Variants in EIF2S3 observed in about 807,000 individuals in gnomAD.
EIF2S3 encodes eukaryotic translation initiation factor 2 subunit 3.
Under a neutral mutation model 31.7 loss-of-function variants are expected in EIF2S3, and 2 were observed. The observed-to-expected ratio is 0.06, with a 90% CI of 0.03 to 0.20. The LOEUF is 0.20. Ranked by LOEUF, EIF2S3 falls within the 10% of genes least tolerant of loss-of-function variation. The pLI is 1.00. For missense variants in EIF2S3, 96 were observed against 359.3 expected, an observed-to-expected ratio of 0.27 and a Z score of 5.92; for synonymous variants, 120 against 126.7, an observed-to-expected ratio of 0.95 and a Z score of 0.36.
chrX:24,057,170 A>G (rs889945261), intron 2 of EIF2S3, among the ~76,000 whole-genome samples: 3 of 112,111 alleles, frequency 2.7e-5, no homozygotes, highest in Non-Finnish European at 3.8e-5. Flanking sequence ...AGCTGGGACT[A>G]CAGGCATGCG....
intron 2 of EIF2S3, 142 bp downstream of exon 2, chrX:24,055,820 T>A: frequency 1.7e-6 from 1 of 603,980 alleles, no homozygotes; most frequent in South Asian, 2.8e-5. Context: ...ATCTGCTACA[T>A]TTGCGGTGCA....
rs5949273 is a variant in EIF2S3 at position 24,076,926 on chromosome X, C to T, written c.*141C>T. 83,892 of 169,729 alleles carry T rather than the reference C, an allele frequency of 0.49. 14,608 individuals carry two copies. The highest frequency in any genetic ancestry group is 0.61 in the Admixed American group (5,773 of 9,424). The allele number at this position is 169,729 out of a possible 1,213,427, so 14.0% of individuals were successfully genotyped here. A position where few individuals can be genotyped will look rare whatever the true frequency, so the allele number is the denominator to read the frequency against. ...TAGTAGGTAACGGTAAGGTTATTCT[C>T]TTTTTTTTTTTTTTTTTTTTTGGTT... is the stretch of plus-strand genomic sequence containing the variant. On this transcript the variant is annotated 3_prime_UTR_variant, in exon 12 of 12. Coordinates refer to ENST00000253039, the MANE Select transcript of EIF2S3 (RefSeq NM_001415.4).
At chrX:24,055,546 A>C (rs1032427025) in intron 1 of EIF2S3, 69 bp from the exon 2 acceptor site, 2 of 1,094,307 alleles carry the variant, frequency 1.8e-6, no homozygotes, top group Non-Finnish European at 2.5e-6. Flanking sequence ...TGTAGATAGC[A>C]AACGTAAAGT....
In EIF2S3 at chrX:24,076,949, G is replaced by GTTTTTTTTTTTTT. The variant is rs1930764322; in HGVS notation, c.*166_*167insTTTTTTTTTTTTT. The GTTTTTTTTTTTTT allele has an allele frequency of 3.4e-6, 1 of 294,216 alleles. No individual in the cohort carries two copies. The highest frequency in any genetic ancestry group is 8.1e-5 in the African/African-American group (1 of 12,329). The allele number at this position is 294,216 out of a possible 1,213,427, so 24.2% of individuals were successfully genotyped here. On this transcript the variant is annotated 3_prime_UTR_variant, in exon 12 of 12. Coordinates refer to ENST00000253039, the MANE Select transcript of EIF2S3 (RefSeq NM_001415.4). ...CTCTTTTTTTTTTTTTTTTTTTTTG[G>GTTTTTTTTTTTTT]TTATGAAAACTTAGGGACTAAAATT...
At chrX:24,070,682 C>T (rs1158501115) in intron 9 of EIF2S3, among the ~76,000 whole-genome samples, 1 of 110,641 alleles carries the variant, frequency 9.0e-6, no homozygotes, top group African/African-American at 3.3e-5. Flanking sequence ...GGTAATCCTC[C>T]AACTTGGGCC....
At chrX:24,063,723 C>T (rs942177158) in intron 6 of EIF2S3, among the ~76,000 whole-genome samples, 3 of 110,022 alleles carry the variant, frequency 2.7e-5, no homozygotes, top group African/African-American at 6.6e-5. Flanking sequence ...TGCAACAAGC[C>T]GTGATTATGC....
chrX:24,072,441 G>A (rs1348347691), intron 10 of EIF2S3, among the ~76,000 whole-genome samples: 1 of 110,287 alleles, frequency 9.1e-6, no homozygotes, highest in East Asian at 2.9e-4. Context: ...GGGTCACCAC[G>A]CCTGGCTAAT....
At chrX:24,066,763 C>T in intron 8 of EIF2S3, among the ~76,000 whole-genome samples, 1 of 111,952 alleles carries the variant, frequency 8.9e-6, no homozygotes. Flanking sequence ...ATCCACCCGC[C>T]TCGGCCTCCC....
intron 9 of EIF2S3, among the ~76,000 whole-genome samples, chrX:24,069,254 C>CG (rs1201241977): frequency 9.3e-6 from 1 of 107,739 alleles, no homozygotes; most frequent in Non-Finnish European, 1.9e-5. Flanking sequence ...TGGTGGCCCA[C>CG]GCCTGTAATC....
At position 24,078,186 on chromosome X, in the gene EIF2S3, C is replaced by T. The variant is rs1194130070; in HGVS notation, c.*1401C>T. 7.2e-5 allele frequency among the ~76,000 whole-genome samples: 8 copies of T among 110,578 alleles called. No homozygotes were observed. Among genetic ancestry groups the T allele is most frequent in the Non-Finnish European group, 1.3e-4 (7 of 52,864 alleles). ...TATTACAGGCACTTGCCACCATACC[C>T]GGCTAATTTTTGTATTTTTAGTAGA... On this transcript the variant is annotated 3_prime_UTR_variant, in exon 12 of 12. Transcript: ENST00000253039.
intron 9 of EIF2S3, 134 bp downstream of exon 9, chrX:24,068,242 CAT>C (rs913975711): frequency 1.8e-5 from 11 of 603,392 alleles, no homozygotes; most frequent in East Asian, 3.8e-5. Context: ...GGGGAACAAT[CAT>C]GTGGTTAAGC....
At chrX:24,066,121 TG>T in intron 8 of EIF2S3, 29 bp downstream of exon 8, 1 of 970,817 alleles carries the variant, frequency 1.0e-6, no homozygotes, top group Non-Finnish European at 1.4e-6. Context: ...GTTGTGATTT[TG>T]GGTTTTTTTT....
In EIF2S3 at chrX:24,057,720, A is replaced by G; in HGVS notation, c.349A>G (p.Ile117Val). The G allele has an allele frequency of 2.5e-6, 3 of 1,211,463 alleles. No homozygotes were observed. The highest frequency in any genetic ancestry group is 3.4e-6 in the Non-Finnish European group (3 of 895,335). The stretch of plus-strand genomic sequence containing the variant: ...TACACCTGACGAGTTTCCTACGGAC[A>G]TTCCAGGGACCAAAGGGAACTTCAA... ...SSTPDEFPTD[I>V]PGTKGNFKLV... is the part of the protein sequence containing the mutation. The change falls in exon 4 of 12, where the codon ATT (isoleucine) becomes GTT (valine). Residue 117 changes from isoleucine (I) to valine (V), a missense_variant. Transcript: ENST00000253039.
intron 1 of EIF2S3, 28 bp from the exon 2 acceptor site, chrX:24,055,587 C>G: frequency 8.4e-7 from 1 of 1,194,443 alleles, no homozygotes; most frequent in Non-Finnish European, 1.1e-6. Context: ...GTTTTACGTG[C>G]AGTGTTTTAA....
chrX:24,076,182 A>AT (rs1171296186), intron 11 of EIF2S3, among the ~76,000 whole-genome samples: 4 of 111,648 alleles, frequency 3.6e-5, no homozygotes, highest in African/African-American at 9.8e-5. Context: ...TTGTGATTAT[A>AT]TTTTTTTGCT....
intron 9 of EIF2S3, among the ~76,000 whole-genome samples, chrX:24,069,572 G>A (rs1286969389): frequency 9.2e-5 from 10 of 109,008 alleles, no homozygotes; most frequent in African/African-American, 3.3e-4. Context: ...GCTGGGTTTG[G>A]TGGTGTGTGC....
chrX:24,057,356 A>G lies in EIF2S3; in HGVS notation c.134-65A>G. The G allele has an allele frequency of 2.6e-6, 3 of 1,146,989 alleles. No homozygotes were observed. The East Asian group carries it at 9.0e-5, about 34-fold the overall frequency. The allele number at this position is 1,146,989 out of a possible 1,213,427, so 94.5% of individuals were successfully genotyped here. On this transcript the variant is annotated intron_variant, in intron 2 of 11. Coordinates refer to ENST00000253039, the MANE Select transcript of EIF2S3 (RefSeq NM_001415.4). ...CTTTGGGTTTTCTACTCTTAACACT[A>G]TTTGAAAAAATATTTGGTATGTAAT... is the stretch of plus-strand genomic sequence containing the variant.
chrX:24,058,980 C>T (rs952767804), intron 4 of EIF2S3, among the ~76,000 whole-genome samples: 4 of 111,999 alleles, frequency 3.6e-5, no homozygotes, highest in African/African-American at 1.3e-4. Flanking sequence ...CCGCCTCAGC[C>T]TCCCAAAGTG....
In EIF2S3 at chrX:24,057,701, T is replaced by G; in HGVS notation, c.330T>G (p.Pro110=). Residue 110 remains proline, a synonymous_variant, in exon 4 of 12, where the codon CCT becomes CCG. Coordinates refer to ENST00000253039, the MANE Select transcript of EIF2S3 (RefSeq NM_001415.4). ...ECYRSCGSST[P]DEFPTDIPGT... ...ATAGATCTTGTGGGAGCAGTACACC[T>G]GACGAGTTTCCTACGGACATTCCAG... The G allele has an allele frequency of 1.7e-6, 2 of 1,211,825 alleles. No homozygotes were observed. Among genetic ancestry groups the G allele is most frequent in the Non-Finnish European group, 2.2e-6 (2 of 895,415 alleles).
Sources: gnomAD v4.1 joint callset for allele counts (sites outside exome capture counted in the v4.1 genomes callset) on GRCh38, gnomAD v4.1.1 for gene constraint, MANE v1.5 for transcripts, NCBI Gene and HGNC (gene_info 2026-07-23, HGNC 2026-07-21) for gene names.